MAP4: variants seen among roughly 807,000 people sequenced by gnomAD.
MAP4 encodes the protein microtubule-associated protein 4.
Under a neutral mutation model 170.2 loss-of-function variants are expected in MAP4, and 76 were observed. The observed-to-expected ratio is 0.45, with a 90% confidence interval of 0.37 to 0.54. MAP4 has a LOEUF of 0.54. MAP4 is among the 20% of genes least tolerant of loss of function. The probability of loss-of-function intolerance (pLI) is 0.00; values close to 1 mark genes in which losing one functional copy is unlikely to be tolerated. For synonymous variants in MAP4, 909 were observed against 994.5 expected (o/e 0.91, Z 1.62); for missense variants, 2,506 against 2,748.0 (o/e 0.91, Z 1.97).
intron 19 of MAP4, among the ~76,000 whole-genome samples, chr3:47,853,756 C>T (rs1353296172): frequency 1.3e-5 from 2 of 152,176 alleles, no homozygotes; most frequent in African/African-American, 2.4e-5. Context: ...ACCCAGGCCA[C>T]CCCCTGCACA....
At chr3:48,005,438 T>C (rs1247503771) in intron 1 of MAP4, among the ~76,000 whole-genome samples, 3 of 152,094 alleles carry the variant, frequency 2.0e-5, no homozygotes, top group Non-Finnish European at 2.9e-5. Context: ...ATTAAGGGTA[T>C]GGGATAATGG....
In MAP4 at chr3:47,910,311, C is replaced by G. The variant is rs747932641; in HGVS notation, c.4110G>C (p.Lys1370Asn). The G allele has an allele frequency of 1.3e-6, 2 of 1,567,306 alleles. No individual in the cohort carries two copies. The highest frequency in any genetic ancestry group is 2.3e-5 in the South Asian group (2 of 87,324). The change falls in exon 9 of 21, where the codon AAG becomes AAC. Residue 1370 changes from lysine to asparagine, a missense_variant. Lys to Asn is a moderately conservative substitution (Grantham distance 94). Coordinates refer to ENST00000683076, the MANE Select transcript of MAP4 (RefSeq NM_001385682.1). ...GCTTCTCAGGAGAACTATTTTTAAC[C>G]TTTTTACTTTTTCCATCATTACTCC... ...SKRSNDGKSKKVKNSSPEKHI... is the reference protein window; with the variant it reads ...SKRSNDGKSKNVKNSSPEKHI...
intron 1 of MAP4, among the ~76,000 whole-genome samples, chr3:48,069,148 A>C (rs2100139802): frequency 6.6e-6 from 1 of 152,214 alleles, no homozygotes; most frequent in Admixed American, 6.5e-5. Context: ...GGTTCCAGTA[A>C]GTCCATGAGT....
intron 10 of MAP4, among the ~76,000 whole-genome samples, chr3:47,896,753 C>T (rs1225921610): frequency 2.0e-5 from 3 of 152,062 alleles, no homozygotes; most frequent in Admixed American, 1.3e-4. Flanking sequence ...ACATATAAAT[C>T]GTAATTGCAA....
chr3:48,054,119 T>C (rs1006062938), intron 1 of MAP4, among the ~76,000 whole-genome samples: 1 of 151,876 alleles, frequency 6.6e-6, no homozygotes, highest in Non-Finnish European at 1.5e-5. Context: ...CTGGCCAACA[T>C]GGTGAAACCC....
At chr3:48,034,574 C>T (rs751769773) in intron 1 of MAP4, among the ~76,000 whole-genome samples, 6 of 151,974 alleles carry the variant, frequency 3.9e-5, no homozygotes, top group Non-Finnish European at 8.8e-5. Context: ...CATTGTGGCA[C>T]ACACCTGTAA....
At chr3:47,918,419 C>T (rs551687354) in intron 6 of MAP4, among the ~76,000 whole-genome samples, 4 of 150,970 alleles carry the variant, frequency 2.6e-5, no homozygotes, top group Non-Finnish European at 4.4e-5. Flanking sequence ...CACACCAGGC[C>T]GTAAATCTGT....
chr3:47,947,511 C>G (rs948537850), intron 3 of MAP4, among the ~76,000 whole-genome samples: 4 of 152,156 alleles, frequency 2.6e-5, no homozygotes, highest in Non-Finnish European at 4.4e-5. Context: ...CCAGAACTCT[C>G]CTAGAAGAGA....
chr3:47,914,960 C>T (rs763236948), intron 7 of MAP4, 21 bp from the exon 8 acceptor site: 255 of 1,613,730 alleles, frequency 1.6e-4, no homozygotes, highest in Non-Finnish European at 2.1e-4. Context: ...TAACAAAAGC[C>T]ACACACGTTT....
intron 8 of MAP4, among the ~76,000 whole-genome samples, chr3:47,914,522 C>T (rs1409796691): frequency 6.6e-6 from 1 of 150,922 alleles, no homozygotes; most frequent in Non-Finnish European, 1.5e-5. Context: ...TGCACGCCAG[C>T]CTGGGCGACA....
intron 1 of MAP4, among the ~76,000 whole-genome samples, chr3:48,055,366 C>T (rs1017137063): frequency 6.6e-6 from 1 of 152,170 alleles, no homozygotes; most frequent in African/African-American, 2.4e-5. Context: ...AGGCCCGCGC[C>T]GCCACGCCTG....
chr3:47,916,802 A>G lies in MAP4; in HGVS notation c.1025T>C (p.Val342Ala). 6.2e-7 allele frequency: 1 copy of G among 1,614,140 alleles called. No individual in the cohort carries two copies. The highest frequency in any genetic ancestry group is 8.5e-7 in the Non-Finnish European group (1 of 1,180,034). ...KNVVLPTETE[V>A]APAKDVTLLK... Reference sequence around the variant, plus strand: ...CAGTGTCACATCCTTGGCTGGGGCTACCTCTGTTTCTGTGGGCAGTACCAC... The same window carrying G: ...CAGTGTCACATCCTTGGCTGGGGCTGCCTCTGTTTCTGTGGGCAGTACCAC... The change falls in exon 7 of 21, where the codon GTA (valine) becomes GCA (alanine). Residue 342 changes from valine to alanine, a missense_variant. By Grantham distance (64) the Val-to-Ala change is moderately conservative (BLOSUM62 0). Transcript: ENST00000683076.
At chr3:47,995,237 CTT>C (rs1393367536) in intron 2 of MAP4, among the ~76,000 whole-genome samples, 1 of 143,014 alleles carries the variant, frequency 7.0e-6, no homozygotes, top group East Asian at 2.1e-4. Flanking sequence ...ATGATAGCAA[CTT>C]TTTTTCTTTT....
chr3:48,035,728 T>C (rs2100118460), intron 1 of MAP4, among the ~76,000 whole-genome samples: 1 of 151,846 alleles, frequency 6.6e-6, no homozygotes, highest in South Asian at 2.1e-4. Context: ...GCACATGAGG[T>C]CAGGAGTTCG....
chr3:47,880,630 T>A, intron 10 of MAP4, among the ~76,000 whole-genome samples: 1 of 152,038 alleles, frequency 6.6e-6, no homozygotes, highest in East Asian at 1.9e-4. Context: ...CATACCTGAA[T>A]AATTTACAAA....
At chr3:48,038,272 C>A (rs557992598) in intron 1 of MAP4, among the ~76,000 whole-genome samples, 3 of 150,946 alleles carry the variant, frequency 2.0e-5, no homozygotes, top group Admixed American at 6.6e-5. Context: ...TGCAAAAGAA[C>A]GTATGAAAGA....
intron 10 of MAP4, among the ~76,000 whole-genome samples, chr3:47,894,236 G>A (rs951155525): frequency 6.6e-6 from 1 of 152,142 alleles, no homozygotes; most frequent in African/African-American, 2.4e-5. Context: ...AGGAAGTGAG[G>A]TATAACAAAA....
At chr3:47,903,262 G>A (rs935903946) in intron 9 of MAP4, among the ~76,000 whole-genome samples, 73 of 152,256 alleles carry the variant, frequency 4.8e-4, no homozygotes, top group African/African-American at 1.7e-3. Flanking sequence ...GGCCAGGTGC[G>A]GTGGCTCACC....
intron 3 of MAP4, among the ~76,000 whole-genome samples, chr3:47,929,601 C>T (rs773243950): frequency 1.0e-5 from 1 of 99,296 alleles, no homozygotes; most frequent in Non-Finnish European, 1.9e-5. Flanking sequence ...AAAGACCTAA[C>T]GTAGCTCACT....
Sources: gnomAD v4.1 joint callset for allele counts (sites outside exome capture counted in the v4.1 genomes callset) on GRCh38, gnomAD v4.1.1 for gene constraint, MANE v1.5 for transcripts, NCBI Gene and HGNC (gene_info 2026-07-23, HGNC 2026-07-21) for gene names.